The following PDZD2 variants were observed in gnomAD, a reference collection of about 807,000 sequenced individuals.
PDZD2 encodes PDZ domain-containing protein 2.
Under a neutral mutation model 220.7 loss-of-function variants are expected in PDZD2, and 90 were observed. That is an observed-to-expected ratio of 0.41 (90% CI 0.34 to 0.49). The LOEUF is 0.49. Ranked by LOEUF, PDZD2 falls within the 20% of genes least tolerant of loss-of-function variation. PDZD2 has a pLI of 0.28. For synonymous variants in PDZD2, 1,375 were observed against 1,450.5 expected, an observed-to-expected ratio of 0.95 and a Z score of 1.18; for missense variants, 3,174 against 3,608.5, an observed-to-expected ratio of 0.88 and a Z score of 3.08.
At chr5:31,794,389 CTTTCTTT>C (rs1753891709) in intron 1 of PDZD2, among the ~76,000 whole-genome samples, 1 of 128,912 alleles carries the variant, frequency 7.8e-6, no homozygotes, top group African/African-American at 2.9e-5. Flanking sequence ...TGGTTTCTTT[CTTTCTTT>C]TTTTTTTTTT....
chr5:31,832,367 T>C (rs890409123), intron 2 of PDZD2: 2 of 152,230 alleles, frequency 1.3e-5, no homozygotes, highest in African/African-American at 4.8e-5. Flanking sequence ...ACAACATGAA[T>C]GTATTTATTG....
chr5:31,802,647 G>A (rs1470076382), intron 2 of PDZD2, among the ~76,000 whole-genome samples: 1 of 152,134 alleles, frequency 6.6e-6, no homozygotes, highest in African/African-American at 2.4e-5. Context: ...TGAGCCGTGC[G>A]CCGTGGCTCA....
chr5:31,728,565 C>A lies in PDZD2; in HGVS notation c.-360-70324C>A, dbSNP rs79884667. ...GGTGGGGCAAAGATGATAGTGACCA[C>A]ATTCGATCTGATGCTTCGTTATAGC... is the stretch of plus-strand genomic sequence containing the variant. On this transcript the variant is annotated intron_variant, in intron 1 of 24. Transcript: ENST00000438447. 5.3e-5 allele frequency among the ~76,000 whole-genome samples: 8 copies of A among 152,292 alleles called. No individual in the cohort carries two copies. The East Asian group carries it at 1.5e-3, about 29-fold the overall frequency.
rs75949637 is a variant in PDZD2 at position 31,835,572 on chromosome 5, G to A, written c.476+35848G>A. On this transcript the variant is annotated intron_variant, in intron 2 of 24. Coordinates refer to ENST00000438447, the MANE Select transcript of PDZD2 (RefSeq NM_178140.4). ...GCAGAGATTGCAGTGAGCCAAGATC[G>A]CGCCACTGCACTCCAGCCTGGGCAA... Among the ~76,000 whole-genome samples the A allele has an allele frequency of 1.6e-4, 24 of 150,782 alleles. No homozygotes were observed. The East Asian group carries it at 2.3e-3, about 15-fold the overall frequency.
intron 2 of PDZD2, among the ~76,000 whole-genome samples, chr5:31,948,553 T>C (rs573139204): frequency 6.6e-6 from 1 of 152,310 alleles, no homozygotes; most frequent in South Asian, 2.1e-4. Flanking sequence ...ATAATTAACC[T>C]TAATGATCTT....
In PDZD2 at chr5:32,087,542, C is replaced by T. The variant is rs1342550904; in HGVS notation, c.4094C>T (p.Thr1365Ile). The T allele has an allele frequency of 6.2e-7, 1 of 1,613,672 alleles. No homozygotes were observed. Among genetic ancestry groups the T allele is most frequent in the Non-Finnish European group, 8.5e-7 (1 of 1,179,776 alleles). ...AACCACAGTAAGGCTCTGGAAATGA[C>T]AGGAATCCATGCACCTGAAAGCTCC... ...PGNHSKALEM[T>I]GIHAPESSQE... The change falls in exon 20 of 25, where the codon ACA becomes ATA. Residue 1365 changes from threonine (T) to isoleucine (I), a missense_variant. Physicochemically the swap from Thr to Ile is moderately conservative, Grantham distance 89. Coordinates refer to ENST00000438447, the MANE Select transcript of PDZD2 (RefSeq NM_178140.4). The surrounding 1 kb of genome is among the most constrained non-coding windows in gnomAD (Gnocchi z 4.0).
At chr5:31,985,850 G>A (rs2111892748) in intron 3 of PDZD2, among the ~76,000 whole-genome samples, 1 of 152,062 alleles carries the variant, frequency 6.6e-6, no homozygotes, top group South Asian at 2.1e-4. Context: ...AGGCCAAGGT[G>A]GGTGGATCAC....
intron 2 of PDZD2, among the ~76,000 whole-genome samples, chr5:31,918,967 C>G (rs1743924865): frequency 6.6e-6 from 1 of 152,240 alleles, no homozygotes. Context: ...CTGAGTCTTT[C>G]ACCACGGCTG....
At chr5:31,837,605 T>A (rs139102206) in intron 2 of PDZD2, among the ~76,000 whole-genome samples, 95 of 152,178 alleles carry the variant, frequency 6.2e-4, no homozygotes, top group African/African-American at 2.1e-3. Flanking sequence ...ATGCCTGTAA[T>A]CCGAGCTACT....
intron 2 of PDZD2, among the ~76,000 whole-genome samples, chr5:31,966,974 C>T (rs917275022): frequency 6.6e-6 from 1 of 152,182 alleles, no homozygotes; most frequent in Non-Finnish European, 1.5e-5. Flanking sequence ...TTAGCCAGAA[C>T]ATGTTGATGG....
rs931173095 is a variant in PDZD2 at position 32,108,636 on chromosome 5, G to A, written c.*501G>A. ...ACATTCAATGGAAGGAGGAGATGTA[G>A]GTCTGTATATGTTACCCTGAAAAGA... On this transcript the variant is annotated 3_prime_UTR_variant, in exon 25 of 25. Transcript: ENST00000438447. 1 of 152,706 alleles carries A rather than the reference G, an allele frequency of 6.5e-6. No homozygotes were observed. Among genetic ancestry groups the A allele is most frequent in the East Asian group, 1.9e-4 (1 of 5,196 alleles). 9.5% of individuals were successfully genotyped at this position (152,706 alleles called of 1,614,324 possible).
At chr5:32,102,686 G>A (rs1034354165) in intron 24 of PDZD2, among the ~76,000 whole-genome samples, 9 of 152,132 alleles carry the variant, frequency 5.9e-5, no homozygotes, top group Non-Finnish European at 1.2e-4. Context: ...TCCATTGCCA[G>A]CAGACCCGAA....
intron 2 of PDZD2, among the ~76,000 whole-genome samples, chr5:31,823,832 A>G (rs896594373): frequency 2.0e-5 from 3 of 152,246 alleles, no homozygotes; most frequent in Admixed American, 6.5e-5. Flanking sequence ...TAAAATAATG[A>G]AGACCCAAAG....
intron 2 of PDZD2, among the ~76,000 whole-genome samples, chr5:31,816,811 TAATC>T (rs998689749): frequency 7.2e-5 from 11 of 152,180 alleles, no homozygotes; most frequent in African/African-American, 9.7e-5. Flanking sequence ...GATTAAATCA[TAATC>T]AATGCCACTA....
chr5:31,731,577 C>T (rs1164923180), intron 1 of PDZD2, among the ~76,000 whole-genome samples: 1 of 152,190 alleles, frequency 6.6e-6, no homozygotes, highest in Non-Finnish European at 1.5e-5. Context: ...ATACAACCTT[C>T]TGTGTATTAT....
chr5:31,716,521 G>A (rs918666149), intron 1 of PDZD2, among the ~76,000 whole-genome samples: 1 of 152,190 alleles, frequency 6.6e-6, no homozygotes, highest in African/African-American at 2.4e-5. Context: ...GTTTGTTGTA[G>A]GCCAGGCGCG....
intron 12 of PDZD2, 91 bp downstream of exon 12, chr5:32,058,194 A>G: frequency 1.4e-6 from 1 of 725,412 alleles, no homozygotes; most frequent in South Asian, 1.7e-5. Context: ...TGTTCTATGA[A>G]TTATTCCTTT....
intron 2 of PDZD2, among the ~76,000 whole-genome samples, chr5:31,977,698 C>T (rs542978434): frequency 2.0e-5 from 3 of 152,354 alleles, no homozygotes; most frequent in South Asian, 4.1e-4. Flanking sequence ...ACTGGCCAGA[C>T]GCAGTGCCTC....
intron 7 of PDZD2, among the ~76,000 whole-genome samples, chr5:32,041,304 C>T (rs970046180): frequency 2.6e-5 from 4 of 152,016 alleles, no homozygotes; most frequent in African/African-American, 7.2e-5. Flanking sequence ...AGCATCTCTG[C>T]CCGGCTGCCC....
Sources: gnomAD v4.1 joint callset for allele counts (sites outside exome capture counted in the v4.1 genomes callset) on GRCh38, gnomAD v4.1.1 for gene constraint, Gnocchi (gnomAD v3.1) non-coding constraint, MANE v1.5 for transcripts, NCBI Gene and HGNC (gene_info 2026-07-23, HGNC 2026-07-21) for gene names.